The following AP4B1 variants were observed in gnomAD, a reference collection of about 807,000 sequenced individuals.
AP4B1 encodes the protein AP-4 complex subunit beta-1.
In AP4B1, 49 loss-of-function variants were observed where a neutral mutation model predicts 76.5. The ratio of observed to expected loss-of-function variants is 0.64; its 90% CI spans 0.51 to 0.81. AP4B1 has a LOEUF of 0.81. Among genes scored for constraint, AP4B1 ranks in the 40% least tolerant of loss-of-function variants. The pLI is 0.00. For synonymous variants in AP4B1, 330 were observed against 333.3 expected (o/e 0.99, Z 0.11); for missense variants, 911 against 904.9 (o/e 1.01, Z -0.09).
rs774419446 is a variant in AP4B1 at position 113,898,711 on chromosome 1, G to C, written c.1198+7C>G. The C allele has an allele frequency of 1.9e-6, 3 of 1,604,220 alleles. No individual in the cohort carries two copies. The highest frequency in any genetic ancestry group is 2.5e-6 in the Non-Finnish European group (3 of 1,176,896). On this transcript the variant is annotated splice_region_variant and intron_variant, in intron 6 of 9. Coordinates refer to ENST00000369569, the MANE Select transcript of AP4B1 (RefSeq NM_001253852.3). ...AAAAACAAAAATCCTAAAAAGGCAGGCATTACCTGTGGTAATGTGCTCTTG... is the reference window on the plus strand; with the variant it reads ...AAAAACAAAAATCCTAAAAAGGCAGCCATTACCTGTGGTAATGTGCTCTTG...
chr1:113,894,497 C>T lies in AP4B1; in HGVS notation c.*568G>A, dbSNP rs1667264823. 6.6e-6 allele frequency among the ~76,000 whole-genome samples: 1 copy of T among 152,190 alleles called. No individual in the cohort carries two copies. The highest frequency in any genetic ancestry group is 2.4e-5 in the African/African-American group (1 of 41,528). On this transcript the variant is annotated 3_prime_UTR_variant, in exon 10 of 10. Coordinates refer to ENST00000369569, the MANE Select transcript of AP4B1 (RefSeq NM_001253852.3). The stretch of plus-strand genomic sequence containing the variant: ...AAATGTTCCAGGCAATAAATAAAAG[C>T]AGGTTTAAGTTAACACAGAGGTGAA...
chr1:113,904,597 G>A lies in AP4B1; in HGVS notation c.113+8C>T, dbSNP rs1361884445. 1 of 1,613,372 alleles carries A rather than the reference G, an allele frequency of 6.2e-7. No homozygotes were observed. Among genetic ancestry groups the A allele is most frequent in the Non-Finnish European group, 8.5e-7 (1 of 1,179,352 alleles). On this transcript the variant is annotated splice_region_variant and intron_variant, in intron 1 of 9. Coordinates refer to ENST00000369569, the MANE Select transcript of AP4B1 (RefSeq NM_001253852.3). ...AGCAGTTAGCACGCGAAGGGAGGTA[G>A]GTGATACCTAATCACTCGCTGGATG...
At position 113,895,778 on chromosome 1, in the gene AP4B1, T is replaced by C; in HGVS notation, c.1771A>G (p.Thr591Ala). The C allele has an allele frequency of 6.2e-7, 1 of 1,614,172 alleles. No individual in the cohort carries two copies. Among genetic ancestry groups the C allele is most frequent in the Non-Finnish European group, 8.5e-7 (1 of 1,180,040 alleles). ...TTACCTGATGCGGCAAAGGATGAAG[T>C]TTTAGGAAGCTCTGGGTCACAACGC... ...AERCDPELPK[T>A]SSFAASGPLI... Residue 591 changes from threonine (T) to alanine (A), a missense_variant, in exon 9 of 10, where the codon ACT (threonine) becomes GCT (alanine). Thr to Ala is a moderately conservative substitution (Grantham distance 58, BLOSUM62 0). Coordinates refer to ENST00000369569, the MANE Select transcript of AP4B1 (RefSeq NM_001253852.3).
Position 113,904,719 on chromosome 1 carries a change from T to G in AP4B1, c.-2A>C, listed in dbSNP as rs553819660. 18 of 1,612,008 alleles carry G rather than the reference T, an allele frequency of 1.1e-5. No homozygotes were observed. The East Asian group carries it at 4.0e-4, about 36-fold the overall frequency. On this transcript the variant is annotated 5_prime_UTR_variant, in exon 1 of 10. Transcript: ENST00000369569. Reference sequence around the variant, plus strand: ...GTCCTCGGAGCCAAGGTACGGCATCTTCCTAAGAGTCACAGGGCAGCTCCC... The same window carrying G: ...GTCCTCGGAGCCAAGGTACGGCATCGTCCTAAGAGTCACAGGGCAGCTCCC...
rs970676102 is a variant in AP4B1, at chr1:113,894,662, T to A, written c.*403A>T. 9.3e-6 allele frequency: 2 copies of A among 214,564 alleles called. No homozygotes were observed. Among genetic ancestry groups the A allele is most frequent in the Admixed American group, 5.3e-5 (1 of 18,778 alleles). 13.3% of individuals were successfully genotyped at this position (214,564 alleles called of 1,614,324 possible). A position where few individuals can be genotyped will look rare whatever the true frequency, so the allele number is the denominator to read the frequency against. ...GACTTTGGAATCTGGCCTAAAAGCATGATTGGAAATATGAGAACAGTTAGG... is the reference window on the plus strand; with the variant it reads ...GACTTTGGAATCTGGCCTAAAAGCAAGATTGGAAATATGAGAACAGTTAGG... On this transcript the variant is annotated 3_prime_UTR_variant, in exon 10 of 10. Transcript: ENST00000369569.
chr1:113,894,969 A>G lies in AP4B1; in HGVS notation c.*96T>C. On this transcript the variant is annotated 3_prime_UTR_variant, in exon 10 of 10. Transcript: ENST00000369569. ...TTCTAGATTTTCCACTCTCCTTTGT[A>G]TCTGATATTATCTGGACTTACTGGC... The G allele has an allele frequency of 1.5e-6, 2 of 1,311,754 alleles. No homozygotes were observed. The highest frequency in any genetic ancestry group is 2.7e-5 in the South Asian group (2 of 73,834). The allele number at this position is 1,311,754 out of a possible 1,614,324, so 81.3% of individuals were successfully genotyped here.
intron 1 of AP4B1, 58 bp downstream of exon 1, chr1:113,904,547 G>A: frequency 6.7e-7 from 1 of 1,503,106 alleles, no homozygotes. Flanking sequence ...TGGGGCTAGT[G>A]AGCCCTGATG....
Position 113,896,453 on chromosome 1 carries a change from G to A in AP4B1, c.1315C>T (p.Leu439Phe), listed in dbSNP as rs759075185. Reference protein sequence around the residue: ...NIQDSEGKQALIWLLGVHGER... With the variant: ...NIQDSEGKQAFIWLLGVHGER... ...CCATGGACACCAAGTAGCCAAATAA[G>A]TGCTTGCTTCCCCTAGAGAATAAAG... is the stretch of plus-strand genomic sequence containing the variant. The change falls in exon 8 of 10, where the codon CTT becomes TTT. Residue 439 changes from leucine (L) to phenylalanine (F), a missense_variant. Transcript: ENST00000369569. The A allele has an allele frequency of 1.9e-6, 3 of 1,614,178 alleles. No individual in the cohort carries two copies. Among genetic ancestry groups the A allele is most frequent in the Non-Finnish European group, 8.5e-7 (1 of 1,180,024 alleles).
intron 6 of AP4B1, 89 bp from the exon 7 acceptor site, chr1:113,898,032 A>ATTC: frequency 6.3e-7 from 1 of 1,594,954 alleles, no homozygotes; most frequent in East Asian, 2.3e-5. Context: ...CAGACTCATG[A>ATTC]TTCTGGCTGG....
At chr1:113,896,560 G>T in intron 7 of AP4B1, 95 bp from the exon 8 acceptor site, 1 of 1,169,376 alleles carries the variant, frequency 8.6e-7, no homozygotes, top group Admixed American at 1.7e-5. Context: ...TTCGCTTAGT[G>T]CCAGCAGAAA....
intron 3 of AP4B1, 138 bp from the exon 4 acceptor site, chr1:113,901,521 G>GA: frequency 1.7e-6 from 2 of 1,181,540 alleles, no homozygotes; most frequent in Non-Finnish European, 2.4e-6. Flanking sequence ...AAAGTGCAAG[G>GA]CAAAAAAAAA....
At position 113,901,219 on chromosome 1, in the gene AP4B1, T is replaced by G. The variant is rs201080805; in HGVS notation, c.617+17A>C. 2.5e-6 allele frequency: 4 copies of G among 1,613,830 alleles called. No homozygotes were observed. The Admixed American group carries it at 5.0e-5, about 20-fold the overall frequency. ...GTAGCAGATCTCATAATAAAAAGAG[T>G]GCTGAGGCATCCAAACCGATTTAAG... On this transcript the variant is annotated intron_variant, in intron 4 of 9. Transcript: ENST00000369569.
chr1:113,897,898 C>A lies in AP4B1; in HGVS notation c.1244G>T (p.Cys415Phe), dbSNP rs200590674. ...CAGGGCCTGACATACAGCTTCAGTA[C>A]ACTGAGGACACAACCAAACCAGGTC... ...FRDLVWLCPQCTEAVCQALPG... is the reference protein window; with the variant it reads ...FRDLVWLCPQFTEAVCQALPG... Residue 415 changes from cysteine (C) to phenylalanine (F), a missense_variant, in exon 7 of 10, where the codon TGT becomes TTT. Cys to Phe is a radical substitution (Grantham distance 205). Coordinates refer to ENST00000369569, the MANE Select transcript of AP4B1 (RefSeq NM_001253852.3). 6.2e-7 allele frequency: 1 copy of A among 1,614,144 alleles called. No individual in the cohort carries two copies. The highest frequency in any genetic ancestry group is 1.7e-5 in the Admixed American group (1 of 60,020).
At chr1:113,899,413 C>G in intron 5 of AP4B1, 2 of 925,962 alleles carry the variant, frequency 2.2e-6, no homozygotes, top group Non-Finnish European at 2.6e-6. Context: ...TAGCCCATAG[C>G]AGAAGCTCAA....
In AP4B1 at chr1:113,902,647, C is replaced by T; in HGVS notation, c.329G>A (p.Cys110Tyr). 1 of 1,612,982 alleles carries T rather than the reference C, an allele frequency of 6.2e-7. No individual in the cohort carries two copies. Reference protein sequence around the residue: ...MVRGLALRSMCSLRMPGVQEY... With the variant: ...MVRGLALRSMYSLRMPGVQEY... ...AGAAGAGGGTACTCACCTGAGGCTA[C>T]ACATGCTCCGTAACGCCAGCCCTCG... The change falls in exon 2 of 10, where the codon TGT becomes TAT. Residue 110 changes from cysteine (C) to tyrosine (Y), a missense_variant. By Grantham distance (194) the Cys-to-Tyr change is radical. Coordinates refer to ENST00000369569, the MANE Select transcript of AP4B1 (RefSeq NM_001253852.3).
At chr1:113,899,413 C>A in intron 5 of AP4B1, 1 of 925,962 alleles carries the variant, frequency 1.1e-6, no homozygotes, top group Non-Finnish European at 1.3e-6. Flanking sequence ...TAGCCCATAG[C>A]AGAAGCTCAA....
intron 2 of AP4B1, among the ~76,000 whole-genome samples, chr1:113,902,433 AGAGT>A (rs1377177454): frequency 1.3e-5 from 2 of 152,266 alleles, no homozygotes; most frequent in African/African-American, 4.8e-5. Context: ...TATTTTACTT[AGAGT>A]GAGAATCAAA....
At position 113,896,444 on chromosome 1, in the gene AP4B1, G is replaced by T. The variant is rs770425386; in HGVS notation, c.1324C>A (p.Leu442Ile). ...ATTCTTTCCCCATGGACACCAAGTA[G>T]CCAAATAAGTGCTTGCTTCCCCTAG... ...DSEGKQALIW[L>I]LGVHGERIPN... Residue 442 changes from leucine to isoleucine, a missense_variant, in exon 8 of 10, where the codon CTA becomes ATA. Leu to Ile is a conservative substitution (Grantham distance 5). Transcript: ENST00000369569. 2 of 1,614,184 alleles carry T rather than the reference G, an allele frequency of 1.2e-6. No individual in the cohort carries two copies. Among genetic ancestry groups the T allele is most frequent in the Admixed American group, 3.3e-5 (2 of 60,018 alleles).
rs146869083 is a variant in AP4B1, at chr1:113,895,278, G to A, written c.2007C>T (p.Ile669=). 3.3e-5 allele frequency: 53 copies of A among 1,614,194 alleles called. No individual in the cohort carries two copies. The highest frequency in any genetic ancestry group is 2.5e-4 in the African/African-American group (19 of 75,060). Residue 669 remains isoleucine (I), a synonymous_variant, in exon 10 of 10, where the codon ATC becomes ATT. Coordinates refer to ENST00000369569, the MANE Select transcript of AP4B1 (RefSeq NM_001253852.3). ...MALQVVNIQT[I]AMSRAGSRPW... ...GCCGAGACCCAGCCCTACTCATTGC[G>A]ATGGTCTGGATGTTCACTACTTGAA...
Sources: gnomAD v4.1 joint callset for allele counts (sites outside exome capture counted in the v4.1 genomes callset) on GRCh38, gnomAD v4.1.1 for gene constraint, MANE v1.5 for transcripts, NCBI Gene and HGNC (gene_info 2026-07-23, HGNC 2026-07-21) for gene names.